FREM2: variants seen among roughly 807,000 people sequenced by gnomAD.
FREM2 encodes the protein FRAS1-related extracellular matrix protein 2.
FREM2 carries 119 observed loss-of-function variants against 219.9 expected under a neutral mutation model. That is an observed-to-expected ratio of 0.54 (90% confidence interval 0.47 to 0.63). The LOEUF (loss-of-function observed/expected upper bound fraction) is 0.63. Ranked by LOEUF, FREM2 falls within the 30% of genes least tolerant of loss-of-function variation. The pLI, the probability that FREM2 is intolerant of heterozygous loss-of-function variation, is 0.00. For missense variants in FREM2, 4,030 were observed against 3,993.6 expected (o/e 1.01, Z -0.25); for synonymous variants, 1,562 against 1,522.8 (o/e 1.03, Z -0.60).
intron 2 of FREM2, among the ~76,000 whole-genome samples, chr13:38,751,181 A>G (rs929195933): frequency 5.1e-5 from 7 of 138,592 alleles, no homozygotes; most frequent in African/African-American, 1.9e-4. Flanking sequence ...TTGCTGGATC[A>G]TATGACAGTT....
chr13:38,851,757 A>G lies in FREM2; in HGVS notation c.6814A>G (p.Ile2272Val), dbSNP rs373502620. The G allele has an allele frequency of 6.2e-7, 1 of 1,613,710 alleles. No homozygotes were observed. Among genetic ancestry groups the G allele is most frequent in the Non-Finnish European group, 8.5e-7 (1 of 1,179,622 alleles). Residue 2272 changes from isoleucine to valine, a missense_variant, in exon 11 of 24, where the codon ATA (isoleucine) becomes GTA (valine). Physicochemically the swap from Ile to Val is conservative, Grantham distance 29. Around this residue, in one of 2 missense-constraint regions of FREM2, gnomAD observed 3,102 missense variants for 2,950.7 expected, o/e 1.05. Transcript: ENST00000280481. ...EPKEPGESVVIRIPVIRQGDT... is the reference protein window; with the variant it reads ...EPKEPGESVVVRIPVIRQGDT... ...CAAAGAACCTGGAGAGTCGGTGGTTATAAGAATTCCAGTGATTCGCCAAGG... is the reference window on the plus strand; with the variant it reads ...CAAAGAACCTGGAGAGTCGGTGGTTGTAAGAATTCCAGTGATTCGCCAAGG...
At chr13:38,754,125 AT>A (rs1872886905) in intron 2 of FREM2, among the ~76,000 whole-genome samples, 1 of 151,934 alleles carries the variant, frequency 6.6e-6, no homozygotes, top group South Asian at 2.1e-4. Context: ...TGGAAGGAGG[AT>A]TTTCCTTCTA....
Position 38,693,170 on chromosome 13 carries a change from G to A in FREM2, c.5173+653G>A, listed in dbSNP as rs570274131. On this transcript the variant is annotated intron_variant, in intron 1 of 23. Transcript: ENST00000280481. ...GAGTTATAACAATGATATTTACAGG[G>A]CATGCTACTAGGATATACATGAAAA... 3.3e-4 allele frequency among the ~76,000 whole-genome samples: 50 copies of A among 152,268 alleles called. No individual in the cohort carries two copies. In the East Asian group the frequency reaches 7.3e-3, roughly 22 times the overall value.
At chr13:38,809,188 A>G (rs574830001) in intron 6 of FREM2, among the ~76,000 whole-genome samples, 1 of 151,314 alleles carries the variant, frequency 6.6e-6, no homozygotes, top group East Asian at 2.0e-4. Flanking sequence ...TCTCAGTAGT[A>G]TTTTTTATAT....
intron 15 of FREM2, 97 bp downstream of exon 15, chr13:38,861,659 A>G: frequency 7.2e-7 from 1 of 1,388,428 alleles, no homozygotes. Flanking sequence ...GCTTAAATAA[A>G]CGTTCAATTT....
chr13:38,868,711 A>G (rs1474087188), intron 16 of FREM2, among the ~76,000 whole-genome samples: 1 of 152,250 alleles, frequency 6.6e-6, no homozygotes, highest in Admixed American at 6.5e-5. Flanking sequence ...CTTCATCTGA[A>G]TACAGGCAGA....
At chr13:38,739,286 C>A (rs1872136044) in intron 2 of FREM2, among the ~76,000 whole-genome samples, 1 of 152,124 alleles carries the variant, frequency 6.6e-6, no homozygotes, top group Non-Finnish European at 1.5e-5. Flanking sequence ...GAAACTGCTC[C>A]ATGGATTTAA....
intron 14 of FREM2, among the ~76,000 whole-genome samples, chr13:38,860,665 G>A (rs890363387): frequency 6.6e-6 from 1 of 152,084 alleles, no homozygotes; most frequent in Non-Finnish European, 1.5e-5. Context: ...TATACAAATA[G>A]ATAAGTAATT....
Position 38,689,498 on chromosome 13 carries a change from C to G in FREM2, c.2154C>G (p.Leu718=), listed in dbSNP as rs1293139639. The G allele has an allele frequency of 7.4e-6, 12 of 1,613,974 alleles. No homozygotes were observed. The highest frequency in any genetic ancestry group is 2.7e-5 in the African/African-American group (2 of 74,908). Residue 718 remains leucine, a synonymous_variant, in exon 1 of 24, where the codon CTC becomes CTG. Transcript: ENST00000280481. ...PLRMVVQESQ[L]TPLRKKWLRY... is the part of the protein sequence containing the mutation. ...GTATGGTGGTACAGGAATCCCAGCT[C>G]ACACCACTGAGGAAGAAGTGGCTGC...
Position 38,690,885 on chromosome 13 carries a change from A to G in FREM2, c.3541A>G (p.Ile1181Val), listed in dbSNP as rs756891390. The G allele has an allele frequency of 2.0e-5, 33 of 1,613,976 alleles. No individual in the cohort carries two copies. The highest frequency in any genetic ancestry group is 2.7e-5 in the Non-Finnish European group (32 of 1,180,000). ...CTTTTCAGAGAGACAGTTCTTCCCC[A>G]TTGTAATCATTCCCACCAATGATGA... ...INFSERQFFPIVIIPTNDEQP... is the reference protein window; with the variant it reads ...INFSERQFFPVVIIPTNDEQP... Residue 1181 changes from isoleucine (I) to valine (V), a missense_variant, in exon 1 of 24, where the codon ATT becomes GTT. Physicochemically the swap from Ile to Val is conservative, Grantham distance 29 (BLOSUM62 3). Coordinates refer to ENST00000280481, the MANE Select transcript of FREM2 (RefSeq NM_207361.6).
At chr13:38,696,979 T>G (rs12871440) in intron 1 of FREM2, among the ~76,000 whole-genome samples, 1 of 151,892 alleles carries the variant, frequency 6.6e-6, no homozygotes, top group Non-Finnish European at 1.5e-5. Context: ...AGCCAATTTT[T>G]AATAGAGACA....
chr13:38,736,586 A>G (rs1872006860), intron 2 of FREM2, among the ~76,000 whole-genome samples: 1 of 152,188 alleles, frequency 6.6e-6, no homozygotes, highest in South Asian at 2.1e-4. Flanking sequence ...ATCCACTGTC[A>G]GGTATGCAGC....
chr13:38,829,901 T>C (rs1390199854), intron 6 of FREM2, among the ~76,000 whole-genome samples: 1 of 152,118 alleles, frequency 6.6e-6, no homozygotes, highest in Non-Finnish European at 1.5e-5. Flanking sequence ...TCTGCAACTT[T>C]TGTCTTTAAA....
chr13:38,729,050 G>A (rs1034894031), intron 2 of FREM2, among the ~76,000 whole-genome samples: 1 of 152,160 alleles, frequency 6.6e-6, no homozygotes, highest in Non-Finnish European at 1.5e-5. Flanking sequence ...GGTCAGGCTG[G>A]TCTTGAACTC....
intron 2 of FREM2, among the ~76,000 whole-genome samples, chr13:38,701,292 A>C (rs1428820908): frequency 6.6e-6 from 1 of 152,188 alleles, no homozygotes; most frequent in African/African-American, 2.4e-5. Flanking sequence ...CTGAAGTTCA[A>C]GAATATATTC....
chr13:38,697,676 T>A, intron 1 of FREM2, 22 bp from the exon 2 acceptor site: 1 of 1,363,416 alleles, frequency 7.3e-7, no homozygotes, highest in East Asian at 2.3e-5. Context: ...ATTAATCATC[T>A]TGTTTTTTGG....
rs573533937 is a variant in FREM2, at chr13:38,801,581, T to C, written c.6019+16773T>C. 8.3e-4 allele frequency among the ~76,000 whole-genome samples: 126 copies of C among 152,348 alleles called. 1 individual carries two copies. The highest frequency in any genetic ancestry group is 2.9e-3 in the African/African-American group (119 of 41,584). ...TGCATGCAGTAGTGTAATATTCATA[T>C]GATTTTATTGACTGTAAATAACATC... On this transcript the variant is annotated intron_variant, in intron 6 of 23. Coordinates refer to ENST00000280481, the MANE Select transcript of FREM2 (RefSeq NM_207361.6).
chr13:38,840,772 G>C (rs1479447987), intron 6 of FREM2, among the ~76,000 whole-genome samples: 4 of 151,558 alleles, frequency 2.6e-5, no homozygotes, highest in Non-Finnish European at 4.4e-5. Flanking sequence ...TAGTCTGGTA[G>C]TCCATTTTGT....
chr13:38,835,367 G>A (rs1012290634), intron 6 of FREM2, among the ~76,000 whole-genome samples: 1 of 152,204 alleles, frequency 6.6e-6, no homozygotes, highest in African/African-American at 2.4e-5. Context: ...AGTATAATTT[G>A]AAGTCAGATA....
Sources: gnomAD v4.1 joint callset for allele counts (sites outside exome capture counted in the v4.1 genomes callset) on GRCh38, gnomAD v4.1.1 for gene constraint, gnomAD v4.1.1 regional missense constraint, MANE v1.5 for transcripts, NCBI Gene and HGNC (gene_info 2026-07-23, HGNC 2026-07-21) for gene names.